The following HTRA4 variants were observed in gnomAD, a reference collection of about 807,000 sequenced individuals.
HTRA4 encodes HtrA serine peptidase 4, also known as serine protease HTRA4.
HTRA4 carries 46 observed loss-of-function variants against 49.1 expected under a neutral mutation model. That is an observed-to-expected ratio of 0.94 (90% CI 0.74 to 1.20). The LOEUF (loss-of-function observed/expected upper bound fraction) is 1.20, where lower values mean the gene tolerates loss of function less well. HTRA4 is among the 50% of genes most tolerant of loss of function. The pLI is 0.00. For missense variants in HTRA4, 602 were observed against 636.9 expected (o/e 0.95, Z 0.59); for synonymous variants, 261 against 264.0 (o/e 0.99, Z 0.11).
At chr8:38,974,891 A>C in intron 1 of HTRA4, 140 bp from the exon 2 acceptor site, 1 of 1,208,250 alleles carries the variant, frequency 8.3e-7, no homozygotes, top group East Asian at 2.3e-5. Context: ...CCTCCTTAAC[A>C]GGGGCTCTTT....
Position 38,976,742 on chromosome 8 carries a change from G to A in HTRA4, c.771+3G>A. The A allele has an allele frequency of 1.2e-6, 2 of 1,614,056 alleles. No individual in the cohort carries two copies. Among genetic ancestry groups the A allele is most frequent in the Non-Finnish European group, 1.7e-6 (2 of 1,179,956 alleles). The stretch of plus-strand genomic sequence containing the variant: ...CGGTGATTAAGATTGAATCAAATGT[G>A]AGTATTTCAGGGCTGAGTCAGAGTC... On this transcript the variant is annotated splice_donor_region_variant and intron_variant, in intron 3 of 8. Coordinates refer to ENST00000302495, the MANE Select transcript of HTRA4 (RefSeq NM_153692.4).
rs894216922 is a variant in HTRA4, at chr8:38,974,704, G to A, written c.441G>A (p.Val147=). Residue 147 remains valine (V), a synonymous_variant, in exon 1 of 9, where the codon GTG becomes GTA. Coordinates refer to ENST00000302495, the MANE Select transcript of HTRA4 (RefSeq NM_153692.4). Reference sequence around the variant, plus strand: ...TGGGCAAGGTCCCGGCCGTGCCTGTGCAGTGGGGGAACTGCGGGGATACAG... The same window carrying A: ...TGGGCAAGGTCCCGGCCGTGCCTGTACAGTGGGGGAACTGCGGGGATACAG... ...RRLGKVPAVP[V]QWGNCGDTGT... is the part of the protein sequence containing the mutation. 7.0e-7 allele frequency: 1 copy of A among 1,426,650 alleles called. No individual in the cohort carries two copies. The highest frequency in any genetic ancestry group is 9.1e-7 in the Non-Finnish European group (1 of 1,100,414). 88.4% of individuals were successfully genotyped at this position (1,426,650 alleles called of 1,614,324 possible).
chr8:38,974,912 A>T (rs1588289365), intron 1 of HTRA4, 119 bp from the exon 2 acceptor site: 1 of 1,281,540 alleles, frequency 7.8e-7, no homozygotes, highest in Non-Finnish European at 1.1e-6. Flanking sequence ...ACCGGCTGCT[A>T]CGTGGTTTCT....
In HTRA4 at chr8:38,974,305, C is replaced by A; in HGVS notation, c.42C>A (p.Cys14Ter). 1 of 1,612,542 alleles carries A rather than the reference C, an allele frequency of 6.2e-7. No homozygotes were observed. Among genetic ancestry groups the A allele is most frequent in the Non-Finnish European group, 8.5e-7 (1 of 1,179,564 alleles). ...PQLRTAGLGR[C>*]LLPGLLLLLV... The stretch of plus-strand genomic sequence containing the variant: ...TGCGGACCGCGGGGCTGGGACGATG[C>A]CTCCTGCCGGGGCTGCTGCTGCTCC... The change falls in exon 1 of 9, where the codon TGC (cysteine) becomes TGA (stop). Residue 14 changes from cysteine to a stop codon, truncating the protein, a stop_gained. Coordinates refer to ENST00000302495, the MANE Select transcript of HTRA4 (RefSeq NM_153692.4). LOFTEE classifies it high-confidence loss of function.
At chr8:38,979,091 G>C in intron 4 of HTRA4, 124 bp from the exon 5 acceptor site, 1 of 868,522 alleles carries the variant, frequency 1.2e-6, no homozygotes, top group Non-Finnish European at 2.0e-6. Context: ...CAATTTTGCC[G>C]GCCTGGGGGG....
At chr8:38,976,452 G>A (rs748515014) in intron 2 of HTRA4, 83 bp from the exon 3 acceptor site, 9 of 1,242,574 alleles carry the variant, frequency 7.2e-6, no homozygotes, top group Non-Finnish European at 1.1e-5. Context: ...TTTAATAAGA[G>A]TGAGGTTCCC....
At chr8:38,975,691 A>T (rs552132086) in intron 2 of HTRA4, among the ~76,000 whole-genome samples, 8 of 152,308 alleles carry the variant, frequency 5.3e-5, no homozygotes, top group African/African-American at 1.7e-4. Context: ...TTACGGGTGT[A>T]GCCACCACAT....
chr8:38,979,374 G>T, intron 5 of HTRA4, 127 bp downstream of exon 5: 1 of 872,782 alleles, frequency 1.1e-6, no homozygotes. Flanking sequence ...CTTGGGGCCA[G>T]GAGTTTGAGA....
At chr8:38,979,632 G>A (rs570696884) in intron 5 of HTRA4, among the ~76,000 whole-genome samples, 58 of 151,938 alleles carry the variant, frequency 3.8e-4, no homozygotes, top group African/African-American at 1.3e-3. Flanking sequence ...TCTCTTCCCC[G>A]TGCTTTCTGT....
rs576647651 is a variant in HTRA4 at position 38,987,954 on chromosome 8, C to T, written c.1287C>T (p.His429=). Residue 429 remains histidine (H), a synonymous_variant, in exon 9 of 9, where the codon CAC becomes CAT. Transcript: ENST00000302495. ...TAAQSSGLRD[H]DVIVNINGKP... ...CTCTCAGCTCTGGATTGAGAGATCA[C>T]GATGTAATTGTCAACATAAATGGGA... 136 of 1,596,048 alleles carry T rather than the reference C, an allele frequency of 8.5e-5. No homozygotes were observed. The highest frequency in any genetic ancestry group is 1.1e-4 in the Non-Finnish European group (128 of 1,174,746).
intron 6 of HTRA4, 106 bp downstream of exon 6, chr8:38,981,873 G>C (rs926455103): frequency 1.3e-6 from 1 of 792,760 alleles, no homozygotes; most frequent in Non-Finnish European, 2.1e-6. Flanking sequence ...TTTTGAGACA[G>C]AATTTTGCTC....
intron 1 of HTRA4, 102 bp from the exon 2 acceptor site, chr8:38,974,929 C>G: frequency 1.4e-6 from 2 of 1,407,768 alleles, no homozygotes; most frequent in Non-Finnish European, 2.0e-6. Flanking sequence ...TTCTCCCTCC[C>G]CATGCACCTT....
intron 7 of HTRA4, 68 bp downstream of exon 7, chr8:38,982,623 C>T (rs112522696): frequency 6.1e-6 from 9 of 1,486,736 alleles, no homozygotes; most frequent in East Asian, 2.3e-5. Context: ...ACAGTCTTAA[C>T]AGAAAAGCTG....
chr8:38,988,145 A>T lies in HTRA4; in HGVS notation c.*47A>T. 1 of 1,460,774 alleles carries T rather than the reference A, an allele frequency of 6.8e-7. No homozygotes were observed. Among genetic ancestry groups the T allele is most frequent in the South Asian group, 1.4e-5 (1 of 74,072 alleles). The allele number at this position is 1,460,774 out of a possible 1,614,324, so 90.5% of individuals were successfully genotyped here. A position where few individuals can be genotyped will look rare whatever the true frequency, so the allele number is the denominator to read the frequency against. On this transcript the variant is annotated 3_prime_UTR_variant, in exon 9 of 9. Transcript: ENST00000302495. ...TTATCTAAAAAAAAAAAAACCAGTT[A>T]TATCACGTGGTTTGTATTGGAGATG...
Position 38,983,028 on chromosome 8 carries a change from T to A in HTRA4, c.1248T>A (p.Val416=). ...CTGGGGTTTATGTATGTAAAGTGGT[T>A]GAAGGAACAGCTGCTCAAAGGTAAG... The part of the protein sequence containing the change: ...VSSGVYVCKV[V]EGTAAQSSGL... Residue 416 remains valine, a synonymous_variant, in exon 8 of 9, where the codon GTT becomes GTA. Transcript: ENST00000302495. 3 of 1,613,260 alleles carry A rather than the reference T, an allele frequency of 1.9e-6. No individual in the cohort carries two copies. The highest frequency in any genetic ancestry group is 2.5e-6 in the Non-Finnish European group (3 of 1,179,316).
At chr8:38,983,399 G>A (rs140623184) in intron 8 of HTRA4, among the ~76,000 whole-genome samples, 4 of 151,904 alleles carry the variant, frequency 2.6e-5, no homozygotes, top group African/African-American at 9.7e-5. Flanking sequence ...TAGTGGGTGC[G>A]CCTGTAATTG....
At chr8:38,982,901 C>T in intron 7 of HTRA4, 52 bp from the exon 8 acceptor site, 1 of 1,292,852 alleles carries the variant, frequency 7.7e-7, no homozygotes, top group Non-Finnish European at 1.1e-6. Flanking sequence ...CAGGCTTTTA[C>T]CAGGGCTCAG....
intron 5 of HTRA4, among the ~76,000 whole-genome samples, chr8:38,980,762 A>T (rs1835408937): frequency 6.6e-6 from 1 of 152,000 alleles, no homozygotes. Flanking sequence ...AAAAAAAAGA[A>T]ATCTCTTTTT....
In HTRA4 at chr8:38,988,118, GA is replaced by G; in HGVS notation, c.*21del. The G allele has an allele frequency of 6.9e-7, 1 of 1,458,396 alleles. No homozygotes were observed. Among genetic ancestry groups the G allele is most frequent in the Non-Finnish European group, 9.1e-7 (1 of 1,098,288 alleles). 90.3% of individuals were successfully genotyped at this position (1,458,396 alleles called of 1,614,324 possible). ...AATTAAATATCTTGTTTTAAAGTGGGATTATCTAAAAAAAAAAAAACCAGTT... is the reference window on the plus strand; with the variant it reads ...AATTAAATATCTTGTTTTAAAGTGGGTTATCTAAAAAAAAAAAAACCAGTT... On this transcript the variant is annotated 3_prime_UTR_variant, in exon 9 of 9. Coordinates refer to ENST00000302495, the MANE Select transcript of HTRA4 (RefSeq NM_153692.4).
Sources: gnomAD v4.1 joint callset for allele counts (sites outside exome capture counted in the v4.1 genomes callset) on GRCh38, gnomAD v4.1.1 for gene constraint, MANE v1.5 for transcripts, NCBI Gene and HGNC (gene_info 2026-07-23, HGNC 2026-07-21) for gene names.